SV2C: variants seen among roughly 807,000 people sequenced by gnomAD.
SV2C encodes solute carrier family 22 member B3.
In SV2C, 49 loss-of-function variants were observed where a neutral mutation model predicts 79.7. The observed-to-expected ratio is 0.61, with a 90% CI of 0.49 to 0.78. The LOEUF is 0.78. Ranked by LOEUF, SV2C falls within the 30% of genes least tolerant of loss-of-function variation. SV2C has a pLI of 0.00. For synonymous variants in SV2C, 334 were observed against 333.2 expected (o/e 1.00, Z -0.03); for missense variants, 833 against 912.9 (o/e 0.91, Z 1.13).
At chr5:76,337,353 C>T (rs1478247391), downstream of SV2C, among the ~76,000 whole-genome samples, 2 of 152,262 alleles carry the variant, frequency 1.3e-5, no homozygotes, top group East Asian at 3.9e-4. Flanking sequence ...CAACCCCATC[C>T]AGTACCTATA....
chr5:76,078,133 G>A, the SV2C span, among the ~76,000 whole-genome samples: 1 of 152,152 alleles, frequency 6.6e-6, no homozygotes, highest in African/African-American at 2.4e-5. Flanking sequence ...TTTCAGGGAG[G>A]AGGGATGAAG....
intron 4 of SV2C, among the ~76,000 whole-genome samples, chr5:76,279,953 C>T (rs890368402): frequency 3.9e-5 from 6 of 151,968 alleles, no homozygotes; most frequent in African/African-American, 4.8e-5. Flanking sequence ...GGCACATGGA[C>T]GGCTCATCAG....
intron 12 of SV2C, among the ~76,000 whole-genome samples, chr5:76,340,669 G>A (rs1749424705): frequency 6.6e-6 from 1 of 152,164 alleles, no homozygotes; most frequent in South Asian, 2.1e-4. Flanking sequence ...AACACTGGAG[G>A]AAATTGGAGA....
the SV2C span, among the ~76,000 whole-genome samples, chr5:76,069,238 C>A: frequency 6.6e-6 from 1 of 152,224 alleles, no homozygotes; most frequent in Admixed American, 6.5e-5. Context: ...GAGAATCAAT[C>A]AAGGAGGACA....
chr5:76,275,635 A>G lies in SV2C; in HGVS notation c.914-9527A>G, dbSNP rs554250390. 2.6e-3 allele frequency among the ~76,000 whole-genome samples: 391 copies of G among 152,340 alleles called. 3 individuals are homozygous for G. Among genetic ancestry groups the G allele is most frequent in the African/African-American group, 8.9e-3 (370 of 41,580 alleles). ...GTGTGTCACATACCTCTGCCTTGGC[A>G]CCTTGAAAGGTTTCAGACAGTCAGG... is the stretch of plus-strand genomic sequence containing the variant. On this transcript the variant is annotated intron_variant, in intron 4 of 12. Transcript: ENST00000502798.
At chr5:75,882,301 A>G in the SV2C span, among the ~76,000 whole-genome samples, 1 of 151,534 alleles carries the variant, frequency 6.6e-6, no homozygotes, top group Non-Finnish European at 1.5e-5. Flanking sequence ...GGAAGAATCA[A>G]TATTGTGAAA....
At chr5:76,063,204 C>T in the SV2C span, among the ~76,000 whole-genome samples, 3 of 152,250 alleles carry the variant, frequency 2.0e-5, no homozygotes, top group Middle Eastern at 3.4e-3. Context: ...TCACTCCTAT[C>T]GAGAGCAAGT....
At chr5:75,934,960 A>G in the SV2C span, among the ~76,000 whole-genome samples, 1 of 152,078 alleles carries the variant, frequency 6.6e-6, no homozygotes, top group African/African-American at 2.4e-5. Flanking sequence ...TATCATGGAA[A>G]AGAGCATATG....
the SV2C span, among the ~76,000 whole-genome samples, chr5:75,851,585 G>T: frequency 2.0e-5 from 3 of 151,768 alleles, no homozygotes; most frequent in African/African-American, 7.3e-5. Flanking sequence ...TTACAAGAAA[G>T]AAAAGTCTTT....
chr5:75,965,118 T>G, the SV2C span, among the ~76,000 whole-genome samples: 1 of 152,110 alleles, frequency 6.6e-6, no homozygotes, highest in South Asian at 2.1e-4. Context: ...TTTGACTTGC[T>G]CCTGCTTATG....
chr5:76,282,626 CT>C (rs1747232314), intron 4 of SV2C, among the ~76,000 whole-genome samples: 2 of 152,234 alleles, frequency 1.3e-5, no homozygotes, highest in Non-Finnish European at 2.9e-5. Flanking sequence ...CTCACATAAC[CT>C]GTTCTGGGAC....
chr5:76,050,938 A>C, the SV2C span, among the ~76,000 whole-genome samples: 2 of 152,352 alleles, frequency 1.3e-5, no homozygotes, highest in East Asian at 3.9e-4. Flanking sequence ...TGGAATAAAA[A>C]ATAATGATAA....
intron 3 of SV2C, among the ~76,000 whole-genome samples, chr5:76,198,895 A>AC (rs1056495280): frequency 1.3e-5 from 2 of 152,048 alleles, no homozygotes; most frequent in Non-Finnish European, 2.9e-5. Context: ...CTGAGCCCTC[A>AC]CCTCAAGTTG....
rs568185232 is a variant in SV2C, at chr5:76,178,291, G to A, written c.581-16628G>A. On this transcript the variant is annotated intron_variant, in intron 2 of 12. Coordinates refer to ENST00000502798, the MANE Select transcript of SV2C (RefSeq NM_014979.4). ...GCAACATAGACTTCACCTTTTCATG[G>A]GAAGAGCATTGCAGAATTTGCAGCT... Among the ~76,000 whole-genome samples the A allele has an allele frequency of 5.3e-5, 8 of 152,300 alleles. No homozygotes were observed. The South Asian group carries it at 1.4e-3, about 28-fold the overall frequency.
intron 1 of SV2C, chr5:76,084,195 A>T (rs2112080866): frequency 6.6e-6 from 1 of 152,412 alleles, no homozygotes; most frequent in African/African-American, 2.4e-5. Context: ...CTACGTTACA[A>T]CGCCTTCATT....
the SV2C span, among the ~76,000 whole-genome samples, chr5:75,869,746 T>G: frequency 6.6e-6 from 1 of 152,160 alleles, no homozygotes; most frequent in Non-Finnish European, 1.5e-5. Flanking sequence ...GCCACAGTCC[T>G]AGCATTGGTG....
the SV2C span, among the ~76,000 whole-genome samples, chr5:75,914,452 A>G: frequency 6.6e-6 from 1 of 152,020 alleles, no homozygotes; most frequent in Non-Finnish European, 1.5e-5. Context: ...ATACAGCTCC[A>G]CAGGTGGGAA....
chr5:76,320,192 T>G (rs976875750), intron 12 of SV2C, among the ~76,000 whole-genome samples: 1 of 151,292 alleles, frequency 6.6e-6, no homozygotes, highest in Non-Finnish European at 1.5e-5. Flanking sequence ...AGTCAGTCTT[T>G]AAAAAGCTAC....
At chr5:75,983,870 T>G in the SV2C span, among the ~76,000 whole-genome samples, 1 of 152,096 alleles carries the variant, frequency 6.6e-6, no homozygotes, top group South Asian at 2.1e-4. Flanking sequence ...TCCTTTCTGC[T>G]CTCCTTCTTG....
Sources: allele counts gnomAD v4.1 joint callset (sites outside exome capture counted in the v4.1 genomes callset), GRCh38; gene constraint gnomAD v4.1.1; transcripts MANE v1.5; gene names NCBI Gene and HGNC (gene_info 2026-07-23, HGNC 2026-07-21).